Variants in FLG observed in about 807,000 individuals in gnomAD.
FLG encodes the protein filaggrin, also known as epidermal filaggrin.
In FLG, 6 loss-of-function variants were observed where a neutral mutation model predicts 3.8. The observed-to-expected ratio is 1.60, with a 90% CI of 0.87 to 3.15. The LOEUF is 3.15. FLG is among the 30% of genes most tolerant of loss of function. The probability of loss-of-function intolerance (pLI) is 0.00; values close to 1 mark genes in which losing one functional copy is unlikely to be tolerated. For missense variants in FLG, 7,595 were observed against 5,050.9 expected (o/e 1.50, Z -15.27); for synonymous variants, 2,551 against 1,931.6 (o/e 1.32, Z -8.41).
chr1:152,312,350 C>A lies in FLG; in HGVS notation c.2536G>T (p.Gly846Trp), dbSNP rs769619132. Residue 846 changes from glycine (G) to tryptophan (W), a missense_variant, in exon 3 of 3, where the codon GGG (glycine) becomes TGG (tryptophan). Transcript: ENST00000368799. ...DGQDTIRGHPGSSRRGRQGSH... is the reference protein window; with the variant it reads ...DGQDTIRGHPWSSRRGRQGSH... ...CCCTGCCTTCCTCTTCTGCTTGACC[C>A]CGGGTGTCCACGAATGGTGTCCTGA... 3.7e-6 allele frequency: 6 copies of A among 1,611,802 alleles called. No homozygotes were observed. Among genetic ancestry groups the A allele is most frequent in the Non-Finnish European group, 5.1e-6 (6 of 1,179,420 alleles).
In FLG at chr1:152,311,382, G is replaced by C. The variant is rs766224121; in HGVS notation, c.3504C>G (p.His1168Gln). Residue 1168 changes from histidine (H) to glutamine (Q), a missense_variant, in exon 3 of 3, where the codon CAC becomes CAG. His to Gln is a conservative substitution (Grantham distance 24). Transcript: ENST00000368799. ...SQEGQDTIRA[H>Q]PGSRRGGRQG... is the part of the protein sequence containing the mutation. The stretch of plus-strand genomic sequence containing the variant: ...GCCTTCCTCCTCTCCTTGACCCCGG[G>C]TGTGCACGAATGGTGTCCTGACCCT... 9 of 1,613,506 alleles carry C rather than the reference G, an allele frequency of 5.6e-6. No individual in the cohort carries two copies. The African/African-American group carries it at 9.4e-5, about 17-fold the overall frequency.
Position 152,309,510 on chromosome 1 carries a change from G to A in FLG, c.5376C>T (p.Ser1792=), listed in dbSNP as rs1328728912. The A allele has an allele frequency of 6.2e-7, 1 of 1,613,866 alleles. No homozygotes were observed. The highest frequency in any genetic ancestry group is 8.5e-7 in the Non-Finnish European group (1 of 1,179,966). ...TGPSTGGRQR[S]RHEQARDSSR... ...AGCTGTCTCGTGCCTGCTCGTGGCG[G>A]GATCTTTGTCTTCCTCCAGTGCTGG... Residue 1792 remains serine, a synonymous_variant, in exon 3 of 3, where the codon TCC becomes TCT. Transcript: ENST00000368799.
rs1311386701 is a variant in FLG at position 152,304,526 on chromosome 1, C to T, written c.10360G>A (p.Val3454Ile). ...GRQGSHYEQSVDRSGHSGSHH... is the reference protein window; with the variant it reads ...GRQGSHYEQSIDRSGHSGSHH... ...GACCCTGAGTGTCCAGACCTATCTACCGATTGCTCGTAGTGGGATCCCTGC... is the reference window on the plus strand; with the variant it reads ...GACCCTGAGTGTCCAGACCTATCTATCGATTGCTCGTAGTGGGATCCCTGC... The change falls in exon 3 of 3, where the codon GTA becomes ATA. Residue 3454 changes from valine (V) to isoleucine (I), a missense_variant. Val to Ile is a conservative substitution (Grantham distance 29, BLOSUM62 3). Coordinates refer to ENST00000368799, the MANE Select transcript of FLG (RefSeq NM_002016.2). 16 of 1,612,452 alleles carry T rather than the reference C, an allele frequency of 9.9e-6. 1 individual carries two copies. Among genetic ancestry groups the T allele is most frequent in the East Asian group, 2.2e-5 (1 of 44,642 alleles).
In FLG at chr1:152,307,520, G is replaced by T; in HGVS notation, c.7366C>A (p.Gln2456Lys). The change falls in exon 3 of 3, where the codon CAA becomes AAA. Residue 2456 changes from glutamine (Q) to lysine (K), a missense_variant. Gln to Lys is a moderately conservative substitution (Grantham distance 53). Transcript: ENST00000368799. ...ARDSSRHSTS[Q>K]EGQDTIHGHP... Reference sequence around the variant, plus strand: ...CCATGAATGGTGTCCTGACCCTCTTGGGACGTTGAGTGCCTGGAGCTGTCT... The same window carrying T: ...CCATGAATGGTGTCCTGACCCTCTTTGGACGTTGAGTGCCTGGAGCTGTCT... 3 of 1,613,426 alleles carry T rather than the reference G, an allele frequency of 1.9e-6. No homozygotes were observed. The highest frequency in any genetic ancestry group is 2.2e-5 in the South Asian group (2 of 91,024).
rs140749305 is a variant in FLG at position 152,306,400 on chromosome 1, C to G, written c.8486G>C (p.Arg2829Pro). The G allele has an allele frequency of 6.2e-7, 1 of 1,602,116 alleles. No homozygotes were observed. The highest frequency in any genetic ancestry group is 2.2e-5 in the East Asian group (1 of 44,864). The change falls in exon 3 of 3, where the codon CGT becomes CCT. Residue 2829 changes from arginine (R) to proline (P), a missense_variant. By Grantham distance (103) the Arg-to-Pro change is moderately radical. Transcript: ENST00000368799. The stretch of plus-strand genomic sequence containing the variant: ...TGCACTTCTGGATCCTGACTGCCCA[C>G]GGGAGGCATCAGACCTTCCCTGGGA... ...TTSQGRSDASRGQSGSRSASR... is the reference protein window; with the variant it reads ...TTSQGRSDASPGQSGSRSASR...
intron 1 of FLG, among the ~76,000 whole-genome samples, chr1:152,315,725 A>G (rs1337517010): frequency 6.6e-6 from 1 of 152,202 alleles, no homozygotes; most frequent in Non-Finnish European, 1.5e-5. Flanking sequence ...GTAGTCTCAC[A>G]GACCTCAGTG....
At position 152,312,320 on chromosome 1, in the gene FLG, G is replaced by A. The variant is rs761614095; in HGVS notation, c.2566C>T (p.His856Tyr). Residue 856 changes from histidine (H) to tyrosine (Y), a missense_variant, in exon 3 of 3, where the codon CAC becomes TAC. Transcript: ENST00000368799. ...GSSRRGRQGSHHEQSVDRSGH... is the reference protein window; with the variant it reads ...GSSRRGRQGSYHEQSVDRSGH... ...GACCTATCTACCGATTGCTCGTGGT[G>A]GGACCCCTGCCTTCCTCTTCTGCTT... The A allele has an allele frequency of 3.1e-6, 5 of 1,613,122 alleles. No individual in the cohort carries two copies. Among genetic ancestry groups the A allele is most frequent in the South Asian group, 1.1e-5 (1 of 91,016 alleles).
Position 152,302,719 on chromosome 1 carries a change from C to T in FLG, c.12167G>A (p.Arg4056Lys), listed in dbSNP as rs1469172095. ...SKQLGFSQSQRYYYYE is the reference protein window; with the variant it reads ...SKQLGFSQSQKYYYYE ...AATTTCTTACTCATAGTAATAGTAT[C>T]TCTGTGACTGACTAAATCCCAGTTG... is the stretch of plus-strand genomic sequence containing the variant. Residue 4056 changes from arginine to lysine, a missense_variant, in exon 3 of 3, where the codon AGA becomes AAA. Arg to Lys is a conservative substitution (Grantham distance 26). Transcript: ENST00000368799. 2 of 1,613,498 alleles carry T rather than the reference C, an allele frequency of 1.2e-6. No individual in the cohort carries two copies. Among genetic ancestry groups the T allele is most frequent in the Non-Finnish European group, 1.7e-6 (2 of 1,179,596 alleles).
At chr1:152,319,562 G>A (rs914664427) in intron 1 of FLG, among the ~76,000 whole-genome samples, 3 of 151,330 alleles carry the variant, frequency 2.0e-5, no homozygotes, top group African/African-American at 7.3e-5. Flanking sequence ...AACATTTGAG[G>A]CAATGAGGAA....
rs759833415 is a variant in FLG, at chr1:152,309,445, C to G, written c.5441G>C (p.Arg1814Pro). 6.2e-6 allele frequency: 10 copies of G among 1,613,346 alleles called. No individual in the cohort carries two copies. The highest frequency in any genetic ancestry group is 2.2e-5 in the South Asian group (2 of 91,052). ...TCCTCTGCTTGACCCTGGGTGTCCA[C>G]GAATGGTGTCCTGACCCTCTTGGGA... ...SASQEGQDTI[R>P]GHPGSSRGGR... is the part of the protein sequence containing the mutation. Residue 1814 changes from arginine to proline, a missense_variant, in exon 3 of 3, where the codon CGT (arginine) becomes CCT (proline). Transcript: ENST00000368799.
rs1384603656 is a variant in FLG at position 152,305,237 on chromosome 1, G to A, written c.9649C>T (p.Gln3217Ter). The A allele has an allele frequency of 1.2e-6, 2 of 1,613,040 alleles. No individual in the cohort carries two copies. The highest frequency in any genetic ancestry group is 1.7e-6 in the Non-Finnish European group (2 of 1,179,806). The change falls in exon 3 of 3, where the codon CAG becomes TAG. Residue 3217 changes from glutamine (Q) to a stop codon, truncating the protein, a stop_gained. Transcript: ENST00000368799. LOFTEE classifies it low-confidence loss of function (END_TRUNC). ...GAATGTCCCTCACTGTCACTGTCCTGGCTCACACTGGATCCCTGGCGCCTG... is the reference window on the plus strand; with the variant it reads ...GAATGTCCCTCACTGTCACTGTCCTAGCTCACACTGGATCCCTGGCGCCTG... ...RSRRQGSSVSQDSDSEGHSED... is the reference protein window; with the variant it reads ...RSRRQGSSVS
chr1:152,312,722 G>C lies in FLG; in HGVS notation c.2164C>G (p.His722Asp). Residue 722 changes from histidine (H) to aspartate (D), a missense_variant, in exon 3 of 3, where the codon CAC (histidine) becomes GAC (aspartate). Coordinates refer to ENST00000368799, the MANE Select transcript of FLG (RefSeq NM_002016.2). ...HQLQSADSSR[H>D]SGTGHGQASS... Reference sequence around the variant, plus strand: ...GCTTGTCCGTGCCCAGTGCCTGAGTGTCTGGAGCTGTCTGCTGACTGGAGC... The same window carrying C: ...GCTTGTCCGTGCCCAGTGCCTGAGTCTCTGGAGCTGTCTGCTGACTGGAGC... 2 of 1,614,026 alleles carry C rather than the reference G, an allele frequency of 1.2e-6. No homozygotes were observed. Among genetic ancestry groups the C allele is most frequent in the South Asian group, 1.1e-5 (1 of 91,070 alleles).
At position 152,304,948 on chromosome 1, in the gene FLG, G is replaced by A; in HGVS notation, c.9938C>T (p.Ser3313Phe). Residue 3313 changes from serine to phenylalanine, a missense_variant, in exon 3 of 3, where the codon TCC (serine) becomes TTC (phenylalanine). By Grantham distance (155) the Ser-to-Phe change is radical. Transcript: ENST00000368799. ...GSRHQQSADSSRHSGIPRGQA... is the reference protein window; with the variant it reads ...GSRHQQSADSFRHSGIPRGQA... ...TCCACGCGGAATGCCTGAGTGTCTG[G>A]AGCTGTCTGCTGACTGCTGGTGGCG... 6.2e-7 allele frequency: 1 copy of A among 1,613,916 alleles called. No homozygotes were observed. The highest frequency in any genetic ancestry group is 1.3e-5 in the African/African-American group (1 of 74,994).
chr1:152,314,314 G>C lies in FLG; in HGVS notation c.572C>G (p.Thr191Ser). 1 of 1,612,784 alleles carries C rather than the reference G, an allele frequency of 6.2e-7. No individual in the cohort carries two copies. The highest frequency in any genetic ancestry group is 8.5e-7 in the Non-Finnish European group (1 of 1,179,730). ...SKKEKNKTEN[T>S]RLGDNRKRLS... ...CCTCTTCCTATTGTCTCCTAATCTAGTATTTTCAGTCTTGTTTTTCTCTTT... is the reference window on the plus strand; with the variant it reads ...CCTCTTCCTATTGTCTCCTAATCTACTATTTTCAGTCTTGTTTTTCTCTTT... The change falls in exon 3 of 3, where the codon ACT becomes AGT. Residue 191 changes from threonine (T) to serine (S), a missense_variant. Coordinates refer to ENST00000368799, the MANE Select transcript of FLG (RefSeq NM_002016.2).
rs1363279021 is a variant in FLG at position 152,305,046 on chromosome 1, C to A, written c.9840G>T (p.Glu3280Asp). Residue 3280 changes from glutamate (E) to aspartate (D), a missense_variant, in exon 3 of 3, where the codon GAG becomes GAT. Transcript: ENST00000368799. Reference sequence around the variant, plus strand: ...ATGCAGCCTGTCCACCAGAGGAAGTCTCTGCGTGACGAGTGCCTGATTGTC... The same window carrying A: ...ATGCAGCCTGTCCACCAGAGGAAGTATCTGCGTGACGAGTGCCTGATTGTC... ...RSRQSGTRHA[E>D]TSSGGQAASS... is the part of the protein sequence containing the mutation. 1 of 1,613,978 alleles carries A rather than the reference C, an allele frequency of 6.2e-7. No homozygotes were observed. The highest frequency in any genetic ancestry group is 1.1e-5 in the South Asian group (1 of 91,032).
Position 152,312,012 on chromosome 1 carries a change from G to A in FLG, c.2874C>T (p.Asp958=), listed in dbSNP as rs1343127313. Residue 958 remains aspartate, a synonymous_variant, in exon 3 of 3, where the codon GAC becomes GAT. Transcript: ENST00000368799. ...AAGCAGACCCAGACCACCTCTCAGA[G>A]TCTTCTGAATGTCCCTCACTGTCAC... The part of the protein sequence containing the change: ...QDSDSEGHSE[D]SERWSGSASR... The A allele has an allele frequency of 6.2e-7, 1 of 1,613,962 alleles. No individual in the cohort carries two copies. Among genetic ancestry groups the A allele is most frequent in the South Asian group, 1.1e-5 (1 of 91,062 alleles).
rs776523442 is a variant in FLG, at chr1:152,304,280, C to A, written c.10606G>T (p.Gly3536Ter). ...SAGPRTSRNQ[G>*]SSVSQDSDSQ... ...TCACTGTCCTGGCTAACACTGGATCCCTGGTTCCTGCTTGTCCTGGGCCCC... is the reference window on the plus strand; with the variant it reads ...TCACTGTCCTGGCTAACACTGGATCACTGGTTCCTGCTTGTCCTGGGCCCC... Residue 3536 changes from glycine (G) to a stop codon, truncating the protein, a stop_gained, in exon 3 of 3, where the codon GGA becomes TGA. Coordinates refer to ENST00000368799, the MANE Select transcript of FLG (RefSeq NM_002016.2). LOFTEE classifies it low-confidence loss of function (END_TRUNC). The A allele has an allele frequency of 1.9e-6, 3 of 1,613,066 alleles. No homozygotes were observed. Among genetic ancestry groups the A allele is most frequent in the Non-Finnish European group, 2.5e-6 (3 of 1,179,558 alleles).
chr1:152,309,481 C>G lies in FLG; in HGVS notation c.5405G>C (p.Arg1802Thr), dbSNP rs1652238024. ...SRHEQARDSS[R>T]HSASQEGQDT... Reference sequence around the variant, plus strand: ...CTGACCCTCTTGGGACGCTGAGTGCCTGGAGCTGTCTCGTGCCTGCTCGTG... The same window carrying G: ...CTGACCCTCTTGGGACGCTGAGTGCGTGGAGCTGTCTCGTGCCTGCTCGTG... Residue 1802 changes from arginine to threonine, a missense_variant, in exon 3 of 3, where the codon AGG becomes ACG. Coordinates refer to ENST00000368799, the MANE Select transcript of FLG (RefSeq NM_002016.2). 3 of 1,613,922 alleles carry G rather than the reference C, an allele frequency of 1.9e-6. No homozygotes were observed. Among genetic ancestry groups the G allele is most frequent in the Non-Finnish European group, 2.5e-6 (3 of 1,179,982 alleles).
intron 1 of FLG, among the ~76,000 whole-genome samples, chr1:152,316,536 T>C (rs1377992297): frequency 1.3e-5 from 2 of 152,088 alleles, no homozygotes; most frequent in Non-Finnish European, 2.9e-5. Context: ...ACATGTAAAA[T>C]AGACCATATC....
Sources: gnomAD v4.1 joint callset for allele counts (sites outside exome capture counted in the v4.1 genomes callset) on GRCh38, gnomAD v4.1.1 for gene constraint, MANE v1.5 for transcripts, NCBI Gene and HGNC (gene_info 2026-07-23, HGNC 2026-07-21) for gene names.